The following STPG2 variants were observed in gnomAD, a reference collection of about 807,000 sequenced individuals.
The protein encoded by STPG2 is sperm-tail PG-rich repeat-containing protein 2.
STPG2 carries 56 observed loss-of-function variants against 54.2 expected under a neutral mutation model. That is an observed-to-expected ratio of 1.03 (90% CI 0.83 to 1.29). STPG2 has a LOEUF of 1.29. Ranked by LOEUF, STPG2 falls within the 50% of genes most tolerant of loss-of-function variation. STPG2 has a pLI of 0.00. For synonymous variants in STPG2, 200 were observed against 181.8 expected (o/e 1.10, Z -0.81); for missense variants, 596 against 544.9 (o/e 1.09, Z -0.93).
At chr4:98,117,404 T>C (rs989226973) in intron 3 of STPG2, among the ~76,000 whole-genome samples, 5 of 152,042 alleles carry the variant, frequency 3.3e-5, no homozygotes, top group African/African-American at 1.2e-4. Context: ...GGTGTGCATC[T>C]CTTTGCATTA....
chr4:97,718,072 T>C (rs1428986681), intron 9 of STPG2, among the ~76,000 whole-genome samples: 1 of 152,040 alleles, frequency 6.6e-6, no homozygotes, highest in Non-Finnish European at 1.5e-5. Context: ...TAGATCACCA[T>C]TCTCAGGGCT....
intron 4 of STPG2, among the ~76,000 whole-genome samples, chr4:97,536,116 T>C (rs540698061): frequency 6.6e-6 from 1 of 152,306 alleles, no homozygotes; most frequent in Non-Finnish European, 1.5e-5. Context: ...ACTGAGATTA[T>C]AGGTGCATGC....
At chr4:97,515,188 G>A (rs1253797788) in intron 4 of STPG2, among the ~76,000 whole-genome samples, 1 of 152,026 alleles carries the variant, frequency 6.6e-6, no homozygotes, top group Non-Finnish European at 1.5e-5. Flanking sequence ...GAATTTGCAC[G>A]CTTGTAAATC....
chr4:97,733,362 C>T (rs995460933), intron 9 of STPG2, among the ~76,000 whole-genome samples: 1 of 151,948 alleles, frequency 6.6e-6, no homozygotes, highest in Non-Finnish European at 1.5e-5. Flanking sequence ...ATCATATATT[C>T]TCACTTACAA....
At chr4:97,442,190 G>C (rs1410477728) in intron 4 of STPG2, among the ~76,000 whole-genome samples, 1 of 151,630 alleles carries the variant, frequency 6.6e-6, no homozygotes, top group African/African-American at 2.4e-5. Context: ...AATTTTTTCT[G>C]GCTATATCAC....
chr4:97,940,226 A>G (rs1213335988), intron 8 of STPG2, among the ~76,000 whole-genome samples: 2 of 152,112 alleles, frequency 1.3e-5, no homozygotes, highest in African/African-American at 4.8e-5. Context: ...AGGTGACTTT[A>G]ACATTCTTTC....
intron 5 of STPG2, among the ~76,000 whole-genome samples, chr4:98,026,880 C>T (rs1736441340): frequency 6.6e-6 from 1 of 152,160 alleles, no homozygotes; most frequent in Middle Eastern, 3.2e-3. Flanking sequence ...AGTATAGAGT[C>T]TAGTTTTCCA....
At chr4:97,775,318 A>G (rs370958655) in intron 9 of STPG2, among the ~76,000 whole-genome samples, 5 of 152,296 alleles carry the variant, frequency 3.3e-5, no homozygotes, top group African/African-American at 1.2e-4. Context: ...GGTTTGTTAC[A>G]TATGTATACA....
At position 97,833,888 on chromosome 4, in the gene STPG2, T is replaced by G. The variant is rs1001589451; in HGVS notation, c.1204+6885A>C. Among the ~76,000 whole-genome samples the G allele has an allele frequency of 5.3e-5, 8 of 152,074 alleles. 1 individual carries two copies. Among genetic ancestry groups the G allele is most frequent in the Admixed American group, 5.2e-4 (8 of 15,256 alleles). On this transcript the variant is annotated intron_variant, in intron 9 of 10. Coordinates refer to ENST00000295268, the MANE Select transcript of STPG2 (RefSeq NM_174952.3). Reference sequence around the variant, plus strand: ...AGATGTTGGAGAGGATGTGGAGAAATAGGAATGCTTTTACACTGTTGGGAG... The same window carrying G: ...AGATGTTGGAGAGGATGTGGAGAAAGAGGAATGCTTTTACACTGTTGGGAG...
chr4:98,025,493 G>A (rs79145393), intron 5 of STPG2: 5,795 of 573,552 alleles, frequency 0.01, 42 homozygotes, highest in Non-Finnish European at 0.014. Flanking sequence ...GAAACACTTA[G>A]TGATACAGGA....
At chr4:97,864,293 A>C (rs1729676930) in intron 8 of STPG2, among the ~76,000 whole-genome samples, 1 of 103,436 alleles carries the variant, frequency 9.7e-6, no homozygotes, top group Non-Finnish European at 1.9e-5. Context: ...AAGCATTCTT[A>C]GACACCAATA....
At chr4:98,002,302 T>C (rs1735435936) in intron 5 of STPG2, among the ~76,000 whole-genome samples, 1 of 152,032 alleles carries the variant, frequency 6.6e-6, no homozygotes, top group South Asian at 2.1e-4. Context: ...TGACATCAAA[T>C]AATACCTGAT....
chr4:97,792,921 G>A (rs935508602), intron 9 of STPG2, among the ~76,000 whole-genome samples: 3 of 152,062 alleles, frequency 2.0e-5, no homozygotes, highest in African/African-American at 7.2e-5. Context: ...GTAGGCCCAG[G>A]CTGGCAGATT....
At chr4:97,841,489 A>T (rs1465424222) in intron 8 of STPG2, among the ~76,000 whole-genome samples, 1 of 151,808 alleles carries the variant, frequency 6.6e-6, no homozygotes, top group African/African-American at 2.4e-5. Flanking sequence ...TTAATTCTAA[A>T]CTAAATGAAA....
chr4:97,792,679 A>G (rs1359468054), intron 9 of STPG2, among the ~76,000 whole-genome samples: 1 of 151,378 alleles, frequency 6.6e-6, no homozygotes, highest in African/African-American at 2.4e-5. Context: ...CAATATCTAG[A>G]TATACATTAC....
At chr4:97,466,452 C>T (rs1298452512) in intron 4 of STPG2, among the ~76,000 whole-genome samples, 3 of 152,004 alleles carry the variant, frequency 2.0e-5, no homozygotes, top group Non-Finnish European at 4.4e-5. Flanking sequence ...GGGCTAGGTG[C>T]TCAGCTTCCT....
intron 4 of STPG2, among the ~76,000 whole-genome samples, chr4:97,538,672 A>G (rs1731604313): frequency 6.6e-6 from 1 of 152,180 alleles, no homozygotes; most frequent in African/African-American, 2.4e-5. Context: ...CCAAAATTCA[A>G]ATTCAGGAAA....
chr4:97,539,690 G>A (rs887073515), intron 4 of STPG2, among the ~76,000 whole-genome samples: 2 of 152,096 alleles, frequency 1.3e-5, no homozygotes, highest in Non-Finnish European at 2.9e-5. Context: ...GCACCTAATA[G>A]ACCTAAGTGG....
intron 8 of STPG2, among the ~76,000 whole-genome samples, chr4:97,904,094 C>T (rs553923608): frequency 2.0e-5 from 3 of 152,332 alleles, no homozygotes; most frequent in Admixed American, 6.5e-5. Flanking sequence ...GGGTGGAGCC[C>T]ACCACAGCTG....
Sources: allele counts gnomAD v4.1 joint callset (sites outside exome capture counted in the v4.1 genomes callset), GRCh38; gene constraint gnomAD v4.1.1; transcripts MANE v1.5; gene names NCBI Gene and HGNC (gene_info 2026-07-23, HGNC 2026-07-21).